The following SLC12A8 variants were observed in gnomAD, a reference collection of about 807,000 sequenced individuals.
SLC12A8 encodes cation-chloride cotransporter 9.
A neutral mutation model predicts 75.6 loss-of-function variants in SLC12A8; 69 were observed. The ratio of observed to expected loss-of-function variants is 0.91; its 90% CI spans 0.75 to 1.11. The LOEUF (loss-of-function observed/expected upper bound fraction) is 1.11, where lower values mean the gene tolerates loss of function less well. Among genes scored for constraint, SLC12A8 ranks in the 50% most tolerant of loss-of-function variants. SLC12A8 has a pLI of 0.00. For synonymous variants in SLC12A8, 365 were observed against 372.8 expected (o/e 0.98, Z 0.24); for missense variants, 877 against 896.7 (o/e 0.98, Z 0.28).
chr3:125,089,556 A>G (rs34900624), intron 12 of SLC12A8, among the ~76,000 whole-genome samples: 2,292 of 150,874 alleles, frequency 0.015, 55 homozygotes, highest in South Asian at 0.049. Flanking sequence ...AGCTAACATA[A>G]GGACCTCTTC....
intron 7 of SLC12A8, among the ~76,000 whole-genome samples, chr3:125,119,545 G>T (rs985438180): frequency 2.6e-5 from 4 of 152,206 alleles, no homozygotes; most frequent in African/African-American, 9.6e-5. Context: ...TGGGCCAAGG[G>T]TTCCTCCTGG....
intron 2 of SLC12A8, among the ~76,000 whole-genome samples, chr3:125,203,297 A>C (rs1362009908): frequency 6.6e-6 from 1 of 152,176 alleles, no homozygotes; most frequent in Non-Finnish European, 1.5e-5. Flanking sequence ...CCTGAGCAAA[A>C]AGAACAAAGC....
At chr3:125,104,275 T>A (rs1385196001) in intron 10 of SLC12A8, among the ~76,000 whole-genome samples, 1 of 151,908 alleles carries the variant, frequency 6.6e-6, no homozygotes, top group East Asian at 1.9e-4. Flanking sequence ...CCAGCTAACT[T>A]CCTTTTTAAT....
chr3:125,198,886 C>T (rs571743378), intron 2 of SLC12A8, among the ~76,000 whole-genome samples: 14 of 151,850 alleles, frequency 9.2e-5, no homozygotes, highest in South Asian at 8.4e-4. Context: ...CATGCCATTC[C>T]CCTGCCTCAG....
intron 5 of SLC12A8, chr3:125,154,941 C>T (rs1243248337): frequency 6.6e-6 from 1 of 152,168 alleles, no homozygotes; most frequent in South Asian, 2.1e-4. Context: ...AAGCCCTCTG[C>T]TACTTGACAG....
intron 6 of SLC12A8, chr3:125,126,070 G>T: frequency 4.6e-6 from 1 of 218,270 alleles, no homozygotes; most frequent in Non-Finnish European, 7.8e-6. Context: ...ACGATGATCT[G>T]TCTGGTCTGC....
At chr3:125,173,041 T>C (rs1438843013) in intron 5 of SLC12A8, among the ~76,000 whole-genome samples, 2 of 152,164 alleles carry the variant, frequency 1.3e-5, no homozygotes, top group Non-Finnish European at 2.9e-5. Flanking sequence ...TAGCCAGGTG[T>C]GGTGGTGCAT....
chr3:125,178,212 G>C (rs1168711433), intron 4 of SLC12A8, among the ~76,000 whole-genome samples: 1 of 152,132 alleles, frequency 6.6e-6, no homozygotes, highest in Non-Finnish European at 1.5e-5. Flanking sequence ...CAAGCTGAGA[G>C]CTGGCTGTCA....
chr3:125,146,830 A>G (rs1310614926), intron 5 of SLC12A8, among the ~76,000 whole-genome samples: 1 of 152,230 alleles, frequency 6.6e-6, no homozygotes, highest in Non-Finnish European at 1.5e-5. Flanking sequence ...TTGTAGAGAC[A>G]AGGTCTCTGT....
At chr3:125,113,102 C>T (rs1939226640) in intron 8 of SLC12A8, among the ~76,000 whole-genome samples, 1 of 152,144 alleles carries the variant, frequency 6.6e-6, no homozygotes, top group Non-Finnish European at 1.5e-5. Context: ...GGGAATGCCC[C>T]AGCCTGGCAT....
At chr3:125,107,342 T>C in intron 10 of SLC12A8, 139 bp downstream of exon 10, 3 of 772,968 alleles carry the variant, frequency 3.9e-6, no homozygotes, top group Non-Finnish European at 6.4e-6. Context: ...TACCTGAATA[T>C]AATGTTTTAA....
intron 5 of SLC12A8, among the ~76,000 whole-genome samples, chr3:125,139,715 G>A (rs2107763579): frequency 6.6e-6 from 1 of 152,316 alleles, no homozygotes; most frequent in African/African-American, 2.4e-5. Flanking sequence ...AGCTAAGCAT[G>A]GTGTGAGGTC....
chr3:125,091,373 CT>C (rs892183348), intron 12 of SLC12A8, 65 bp downstream of exon 12: 30 of 1,060,414 alleles, frequency 2.8e-5, no homozygotes, highest in South Asian at 5.1e-5. Context: ...TATTCAAAAT[CT>C]TTTTTTTCCC....
At chr3:125,197,036 G>A (rs1438154872) in intron 2 of SLC12A8, among the ~76,000 whole-genome samples, 2 of 152,148 alleles carry the variant, frequency 1.3e-5, no homozygotes, top group African/African-American at 4.8e-5. Flanking sequence ...AGGAACCAGG[G>A]CTCCTTGCAG....
intron 5 of SLC12A8, among the ~76,000 whole-genome samples, chr3:125,144,470 A>G (rs747984931): frequency 2.0e-5 from 3 of 152,144 alleles, no homozygotes; most frequent in Non-Finnish European, 2.9e-5. Flanking sequence ...AGCCCAGCCC[A>G]CAGAGCCCCC....
chr3:125,187,473 C>G, intron 3 of SLC12A8, 45 bp from the exon 4 acceptor site: 1 of 1,574,332 alleles, frequency 6.4e-7, no homozygotes, highest in Non-Finnish European at 8.7e-7. Context: ...GGTGAGGAGG[C>G]CCCGCCAGCT....
intron 10 of SLC12A8, among the ~76,000 whole-genome samples, chr3:125,105,298 C>T (rs184566128): frequency 1.3e-5 from 2 of 152,208 alleles, no homozygotes; most frequent in African/African-American, 4.8e-5. Context: ...CTCTTGTTTC[C>T]TGGATCTGAC....
intron 10 of SLC12A8, among the ~76,000 whole-genome samples, chr3:125,105,490 C>A (rs1939000181): frequency 6.6e-6 from 1 of 151,952 alleles, no homozygotes; most frequent in South Asian, 2.1e-4. Context: ...GACAGATCTG[C>A]CAGAGCATTT....
In SLC12A8 at chr3:125,165,970, A is replaced by G. The variant is rs186173082; in HGVS notation, c.622+11773T>C. Among the ~76,000 whole-genome samples, 663 of 152,292 alleles carry G rather than the reference A, an allele frequency of 4.4e-3. 5 individuals are homozygous for G. Among genetic ancestry groups the G allele is most frequent in the Non-Finnish European group, 4.7e-3 (320 of 68,022 alleles). On this transcript the variant is annotated intron_variant, in intron 5 of 13. Transcript: ENST00000469902. ...CTTTGTATGTTTGGAATTTTGTCAG[A>G]AAGGTTTTTTTAAAAATATATAGAA...
Sources: allele counts gnomAD v4.1 joint callset (sites outside exome capture counted in the v4.1 genomes callset), GRCh38; gene constraint gnomAD v4.1.1; transcripts MANE v1.5; gene names NCBI Gene and HGNC (gene_info 2026-07-23, HGNC 2026-07-21).